BARD1: variants seen among roughly 807,000 people sequenced by gnomAD.
BARD1 encodes BRCA1-associated RING domain protein 1.
In BARD1, 73 loss-of-function variants were observed where a neutral mutation model predicts 77.0. That is an observed-to-expected ratio of 0.95 (90% CI 0.79 to 1.15). BARD1 has a LOEUF of 1.15. BARD1 is among the 50% of genes most tolerant of loss of function. BARD1 has a pLI of 0.00. For missense variants in BARD1, 993 were observed against 938.8 expected, an observed-to-expected ratio of 1.06 and a Z score of -0.75; for synonymous variants, 384 against 338.0, an observed-to-expected ratio of 1.14 and a Z score of -1.49.
At chr2:214,729,577 A>G (rs1692258819) in intron 10 of BARD1, among the ~76,000 whole-genome samples, 1 of 152,196 alleles carries the variant, frequency 6.6e-6, no homozygotes, top group Non-Finnish European at 1.5e-5. Context: ...AGATTCAGTC[A>G]CCATCTCGGT....
At chr2:214,796,940 T>TTACTTTG (rs1426486544) in intron 2 of BARD1, 121 bp downstream of exon 2, 2 of 824,936 alleles carry the variant, frequency 2.4e-6, no homozygotes, top group African/African-American at 3.4e-5. Context: ...GTACAATAGG[T>TTACTTTG]TACTTTGCAG....
At position 214,781,223 on chromosome 2, in the gene BARD1, T is replaced by C. The variant is rs768866006; in HGVS notation, c.651A>G (p.Lys217=). The C allele has an allele frequency of 1.7e-5, 27 of 1,594,408 alleles. 1 individual carries two copies. Among genetic ancestry groups the C allele is most frequent in the Middle Eastern group, 1.7e-4 (1 of 5,954 alleles). Residue 217 remains lysine (K), a synonymous_variant, in exon 4 of 11, where the codon AAA becomes AAG. Coordinates refer to ENST00000260947, the MANE Select transcript of BARD1 (RefSeq NM_000465.4). ...CTTCTTTTTCTGCCTCTAAATTCCATTTTTGGTTGATTTCAGCTAAAGTTT... is the reference window on the plus strand; with the variant it reads ...CTTCTTTTTCTGCCTCTAAATTCCACTTTTGGTTGATTTCAGCTAAAGTTT... ...KKKTLAEINQ[K]WNLEAEKEDG... is the part of the protein sequence containing the mutation.
At chr2:214,729,265 T>C (rs150593152) in intron 10 of BARD1, among the ~76,000 whole-genome samples, 172 of 152,308 alleles carry the variant, frequency 1.1e-3, no homozygotes, top group African/African-American at 4.1e-3. Flanking sequence ...CCTGAAGTAA[T>C]TTTATACAAT....
intron 6 of BARD1, among the ~76,000 whole-genome samples, chr2:214,760,923 C>T (rs1170883205): frequency 3.6e-4 from 54 of 151,454 alleles, no homozygotes; most frequent in African/African-American, 1.2e-3. Context: ...TACAGGCGCC[C>T]ACCACCACGC....
At chr2:214,771,924 GAAAAAAA>G (rs10602414) in intron 4 of BARD1, among the ~76,000 whole-genome samples, 10 of 107,162 alleles carry the variant, frequency 9.3e-5, no homozygotes, top group African/African-American at 2.2e-4. Context: ...CCAGTTTCAG[GAAAAAAA>G]AAAAAAAAAA....
intron 1 of BARD1, among the ~76,000 whole-genome samples, chr2:214,805,142 CAG>C (rs1385035818): frequency 5.9e-5 from 9 of 152,176 alleles, no homozygotes; most frequent in Non-Finnish European, 1.2e-4. Context: ...GCCTGGGTGA[CAG>C]AGGGAGACTC....
rs140598991 is a variant in BARD1 at position 214,755,467 on chromosome 2, ACT to A, written c.1569-2914_1569-2913del. ...AGGGACACATAAGACTTAGAAAAAC[ACT>A]GTCCTTGCCTATAATCCTACTGAGG... On this transcript the variant is annotated intron_variant, in intron 6 of 10. Coordinates refer to ENST00000260947, the MANE Select transcript of BARD1 (RefSeq NM_000465.4). Among the ~76,000 whole-genome samples, 541 of 152,346 alleles carry A rather than the reference ACT, an allele frequency of 3.6e-3. 2 individuals carry two copies. The highest frequency in any genetic ancestry group is 0.012 in the African/African-American group (498 of 41,572).
chr2:214,768,083 A>G (rs1168765354), intron 5 of BARD1, among the ~76,000 whole-genome samples: 1 of 152,216 alleles, frequency 6.6e-6, no homozygotes, highest in Non-Finnish European at 1.5e-5. Context: ...TGCTTTTAAG[A>G]TAAGCTATTT....
chr2:214,776,174 T>C (rs1447959314), intron 4 of BARD1, among the ~76,000 whole-genome samples: 1 of 152,184 alleles, frequency 6.6e-6, no homozygotes, highest in Non-Finnish European at 1.5e-5. Flanking sequence ...TGCTGTGGCA[T>C]AAATTATGAG....
chr2:214,809,368 C>A, intron 1 of BARD1, 44 bp downstream of exon 1: 2 of 1,608,522 alleles, frequency 1.2e-6, no homozygotes, highest in Non-Finnish European at 1.7e-6. Context: ...AGAAACTGTG[C>A]GACCCGTGCC....
rs71041956 is a variant in BARD1 at position 214,725,781 on chromosome 2, TAAGAC to T, written c.*2890_*2894del. 44,258 of 223,322 alleles carry T rather than the reference TAAGAC, an allele frequency of 0.2. 5,076 individuals carry two copies. Among genetic ancestry groups the T allele is most frequent in the South Asian group, 0.26 (1,390 of 5,446 alleles). 13.8% of individuals were successfully genotyped at this position (223,322 alleles called of 1,614,324 possible). On this transcript the variant is annotated 3_prime_UTR_variant, in exon 11 of 11. Transcript: ENST00000260947. Reference sequence around the variant, plus strand: ...AAAATGGTGGCTTTTAGTAATTAAATAAGACAAGCATTAGTTCCTACCATTTTAAT... The same window carrying T: ...AAAATGGTGGCTTTTAGTAATTAAATAAGCATTAGTTCCTACCATTTTAAT...
At chr2:214,744,447 T>G (rs1692998662) in intron 9 of BARD1, among the ~76,000 whole-genome samples, 1 of 152,226 alleles carries the variant, frequency 6.6e-6, no homozygotes, top group African/African-American at 2.4e-5. Context: ...AAAACATGTG[T>G]TATTAAATTC....
chr2:214,807,842 T>C (rs1696346824), intron 1 of BARD1, among the ~76,000 whole-genome samples: 1 of 152,210 alleles, frequency 6.6e-6, no homozygotes, highest in South Asian at 2.1e-4. Flanking sequence ...CATAGGTATG[T>C]GCCAAGGGAA....
In BARD1 at chr2:214,781,122, C is replaced by A. The variant is rs1553622477; in HGVS notation, c.752G>T (p.Ser251Ile). ...SFCSQPSVIS[S>I]PQINGEIDLL... ...GTCTATTTCACCATTTATCTGAGGA[C>A]TGGAGATAACAGATGGTTGGCTACA... Residue 251 changes from serine to isoleucine, a missense_variant, in exon 4 of 11, where the codon AGT becomes ATT. Physicochemically the swap from Ser to Ile is moderately radical, Grantham distance 142. Transcript: ENST00000260947. 2 of 1,575,064 alleles carry A rather than the reference C, an allele frequency of 1.3e-6. No homozygotes were observed. The highest frequency in any genetic ancestry group is 1.7e-6 in the Non-Finnish European group (2 of 1,164,420).
chr2:214,735,069 C>T (rs1174428888), intron 9 of BARD1, among the ~76,000 whole-genome samples: 2 of 152,114 alleles, frequency 1.3e-5, no homozygotes, highest in South Asian at 2.1e-4. Context: ...TCTGTTTATA[C>T]ACATTATTTA....
At chr2:214,750,340 T>C (rs1693348641) in intron 7 of BARD1, among the ~76,000 whole-genome samples, 2 of 152,156 alleles carry the variant, frequency 1.3e-5, no homozygotes, top group South Asian at 4.1e-4. Context: ...AGGTACCCTA[T>C]TAAGTCTAAA....
intron 6 of BARD1, among the ~76,000 whole-genome samples, chr2:214,756,462 G>A (rs1693698141): frequency 6.6e-6 from 1 of 152,182 alleles, no homozygotes; most frequent in South Asian, 2.1e-4. Context: ...ATTTGATCCA[G>A]CAATCCCACT....
At chr2:214,735,034 T>C (rs970196628) in intron 9 of BARD1, among the ~76,000 whole-genome samples, 9 of 152,214 alleles carry the variant, frequency 5.9e-5, no homozygotes, top group Admixed American at 2.0e-4. Context: ...AACTGATCAA[T>C]ACTTAACTTT....
chr2:214,771,996 T>A (rs1694520831), intron 4 of BARD1, among the ~76,000 whole-genome samples: 1 of 151,086 alleles, frequency 6.6e-6, no homozygotes, highest in Non-Finnish European at 1.5e-5. Flanking sequence ...TAGAGCAAGT[T>A]ATCATGTATT....
Sources: gnomAD v4.1 joint callset for allele counts (sites outside exome capture counted in the v4.1 genomes callset) on GRCh38, gnomAD v4.1.1 for gene constraint, MANE v1.5 for transcripts, NCBI Gene and HGNC (gene_info 2026-07-23, HGNC 2026-07-21) for gene names.